AGBL1: variants seen among roughly 807,000 people sequenced by gnomAD.
The protein encoded by AGBL1 is AGBL carboxypeptidase 1.
A neutral mutation model predicts 118.9 loss-of-function variants in AGBL1; 130 were observed. The ratio of observed to expected loss-of-function variants is 1.09; its 90% CI spans 0.95 to 1.26. The LOEUF is 1.26. Ranked by LOEUF, AGBL1 falls within the 50% of genes most tolerant of loss-of-function variation. The pLI is 0.00. For missense variants in AGBL1, 1,584 were observed against 1,298.1 expected, an observed-to-expected ratio of 1.22 and a Z score of -3.38; for synonymous variants, 555 against 478.9, an observed-to-expected ratio of 1.16 and a Z score of -2.08.
intron 21 of AGBL1, among the ~76,000 whole-genome samples, chr15:86,664,476 A>C (rs1481056781): frequency 1.3e-5 from 2 of 152,192 alleles, no homozygotes; most frequent in Non-Finnish European, 2.9e-5. Context: ...AACCTGTTTA[A>C]AACTCCAAAA....
chr15:86,380,779 G>A (rs770907804), intron 17 of AGBL1, among the ~76,000 whole-genome samples: 39 of 152,172 alleles, frequency 2.6e-4, no homozygotes, highest in Non-Finnish European at 5.4e-4. Flanking sequence ...TCCTTTGAAA[G>A]CTACTCATTC....
At chr15:86,714,796 C>G (rs1407975528) in intron 22 of AGBL1, among the ~76,000 whole-genome samples, 1 of 152,004 alleles carries the variant, frequency 6.6e-6, no homozygotes, top group Admixed American at 6.6e-5. Flanking sequence ...GTAAAGGGTC[C>G]CCTGAAGGGA....
At chr15:86,845,197 TGA>T (rs2079301657) in intron 22 of AGBL1, among the ~76,000 whole-genome samples, 1 of 152,144 alleles carries the variant, frequency 6.6e-6, no homozygotes, top group Non-Finnish European at 1.5e-5. Context: ...AAAGGTCTGT[TGA>T]GATTATGATA....
rs2079042227 is a variant in AGBL1 at position 86,827,485 on chromosome 15, GTGTGTATATATATATATATA to G, written c.3159-79600_3159-79581del. On this transcript the variant is annotated intron_variant, in intron 22 of 22. Transcript: ENST00000614907. ...TATATATATACATATATATATATAT[GTGTGTATATATATATATATA>G]TATATATATATATATAGCCTGTGGT... 3.1e-3 allele frequency among the ~76,000 whole-genome samples: 12 copies of G among 3,870 alleles called. 1 individual carries two copies. Among genetic ancestry groups the G allele is most frequent in the East Asian group, 0.014 (1 of 74 alleles). 2.5% of individuals were successfully genotyped at this position (3,870 alleles called of 152,430 possible).
At chr15:86,797,224 C>A (rs1001061520) in intron 22 of AGBL1, among the ~76,000 whole-genome samples, 3 of 152,154 alleles carry the variant, frequency 2.0e-5, no homozygotes, top group African/African-American at 7.2e-5. Flanking sequence ...GACTGCATGC[C>A]CACATAATGA....
downstream of AGBL1, among the ~76,000 whole-genome samples, chr15:86,919,912 C>T (rs907742843): frequency 1.3e-5 from 2 of 152,074 alleles, no homozygotes; most frequent in Non-Finnish European, 2.9e-5. Flanking sequence ...GGCTGCCTGG[C>T]CCACTCTGCC....
At chr15:86,605,074 CG>C (rs2084555621) in intron 21 of AGBL1, among the ~76,000 whole-genome samples, 1 of 152,060 alleles carries the variant, frequency 6.6e-6, no homozygotes, top group African/African-American at 2.4e-5. Context: ...GGATTACAGG[CG>C]TGAGCCACCG....
chr15:86,424,129 C>G (rs759296700), intron 18 of AGBL1, among the ~76,000 whole-genome samples: 31 of 152,152 alleles, frequency 2.0e-4, no homozygotes, highest in Non-Finnish European at 4.3e-4. Flanking sequence ...TGACTTCAAT[C>G]TATACTACAA....
intron 1 of AGBL1, among the ~76,000 whole-genome samples, chr15:86,115,953 G>C (rs140971738): frequency 2.6e-3 from 402 of 152,228 alleles, no homozygotes; most frequent in Non-Finnish European, 3.7e-3. Context: ...TTTCAGTCAT[G>C]TCATCCTATA....
chr15:86,396,037 A>G (rs1352049250), intron 17 of AGBL1, among the ~76,000 whole-genome samples: 1 of 151,078 alleles, frequency 6.6e-6, no homozygotes, highest in East Asian at 1.9e-4. Context: ...TGTCCTCCAG[A>G]CTCATCCATG....
At chr15:86,596,951 G>A (rs2084417013) in intron 21 of AGBL1, among the ~76,000 whole-genome samples, 1 of 152,064 alleles carries the variant, frequency 6.6e-6, no homozygotes, top group South Asian at 2.1e-4. Context: ...TGGCTCACTA[G>A]TATTGTGTAC....
chr15:86,910,578 G>C lies in AGBL1; in HGVS notation c.*3284G>C, dbSNP rs960165912. The C allele has an allele frequency of 6.6e-6, 1 of 152,202 alleles. No homozygotes were observed. The highest frequency in any genetic ancestry group is 2.4e-5 in the African/African-American group (1 of 41,446). 9.4% of individuals were successfully genotyped at this position (152,202 alleles called of 1,614,324 possible). A position where few individuals can be genotyped will look rare whatever the true frequency, so the allele number is the denominator to read the frequency against. ...TTCAGTAGTTTGAGGAGTGCCCCAGGTGTGATACTACTATATTTGAAGAGC... is the reference window on the plus strand; with the variant it reads ...TTCAGTAGTTTGAGGAGTGCCCCAGCTGTGATACTACTATATTTGAAGAGC... On this transcript the variant is annotated 3_prime_UTR_variant, in exon 23 of 23. Transcript: ENST00000614907.
At chr15:86,540,250 G>A (rs1044501004) in intron 19 of AGBL1, among the ~76,000 whole-genome samples, 3 of 152,062 alleles carry the variant, frequency 2.0e-5, no homozygotes, top group East Asian at 1.9e-4. Flanking sequence ...CTCCTATTAC[G>A]TAGCAGTTAC....
chr15:86,533,972 G>A (rs1323051392), intron 19 of AGBL1, among the ~76,000 whole-genome samples: 1 of 90,016 alleles, frequency 1.1e-5, no homozygotes, highest in East Asian at 3.9e-4. Flanking sequence ...TGGGGTGGGG[G>A]GAGGGGGGAG....
chr15:86,690,442 C>T (rs970140261), intron 22 of AGBL1, among the ~76,000 whole-genome samples: 1 of 152,108 alleles, frequency 6.6e-6, no homozygotes. Flanking sequence ...GAAATCCATT[C>T]GTTTTCATTT....
chr15:86,499,449 A>G (rs908619550), intron 18 of AGBL1, among the ~76,000 whole-genome samples: 47 of 151,914 alleles, frequency 3.1e-4, no homozygotes, highest in African/African-American at 1.1e-3. Flanking sequence ...CTGGGCTTAG[A>G]CAAAGAAATA....
intron 22 of AGBL1, among the ~76,000 whole-genome samples, chr15:86,746,701 C>G (rs2077761781): frequency 6.6e-6 from 1 of 151,974 alleles, no homozygotes; most frequent in Admixed American, 6.6e-5. Context: ...CCTTTCTCTT[C>G]TGTGTATTTT....
intron 22 of AGBL1, among the ~76,000 whole-genome samples, chr15:86,775,220 C>A (rs79582164): frequency 2.0e-5 from 3 of 152,002 alleles, no homozygotes; most frequent in African/African-American, 7.2e-5. Flanking sequence ...TGGCGATAAA[C>A]CAGACAGAAA....
chr15:86,255,540 G>T (rs955112852), intron 7 of AGBL1, among the ~76,000 whole-genome samples: 1 of 152,126 alleles, frequency 6.6e-6, no homozygotes, highest in Admixed American at 6.5e-5. Flanking sequence ...CCAGTACTTT[G>T]GGAGACTGAG....
Sources: allele counts gnomAD v4.1 joint callset (sites outside exome capture counted in the v4.1 genomes callset), GRCh38; gene constraint gnomAD v4.1.1; transcripts MANE v1.5; gene names NCBI Gene and HGNC (gene_info 2026-07-23, HGNC 2026-07-21).